MYBPH: variants seen among roughly 807,000 people sequenced by gnomAD.
The protein encoded by MYBPH is myosin-binding protein H.
MYBPH carries 49 observed loss-of-function variants against 53.6 expected under a neutral mutation model. The ratio of observed to expected loss-of-function variants is 0.91; its 90% CI spans 0.73 to 1.16. The LOEUF is 1.16. MYBPH is among the 50% of genes most tolerant of loss of function. The pLI, the probability that MYBPH is intolerant of heterozygous loss-of-function variation, is 0.00. For synonymous variants in MYBPH, 239 were observed against 249.6 expected (o/e 0.96, Z 0.40); for missense variants, 558 against 624.1 (o/e 0.89, Z 1.13).
At chr1:203,169,120 G>A (rs776290421) in intron 8 of MYBPH, 28 bp from the exon 9 acceptor site, 2 of 1,611,788 alleles carry the variant, frequency 1.2e-6, no homozygotes, top group South Asian at 2.2e-5. Context: ...AAGAGAGCTG[G>A]GGAGGTATGG....
rs754480618 is a variant in MYBPH, at chr1:203,175,615, C to T, written c.141G>A (p.Pro47=). The T allele has an allele frequency of 1.8e-5, 29 of 1,613,834 alleles. No individual in the cohort carries two copies. Among genetic ancestry groups the T allele is most frequent in the Middle Eastern group, 3.3e-4 (2 of 6,084 alleles). Residue 47 remains proline (P), a synonymous_variant, in exon 1 of 11, where the codon CCG becomes CCA. Coordinates refer to ENST00000255416, the MANE Select transcript of MYBPH (RefSeq NM_004997.3). ...ESTREEQVPK[P]QAPAPQAPTA... is the part of the protein sequence containing the mutation. ...TAGGGGCCTGTGGGGCAGGGGCCTG[C>T]GGCTTGGGCACCTGCTCTTCTCTGG...
In MYBPH at chr1:203,173,488, C is replaced by G. The variant is rs868812555; in HGVS notation, c.508+942G>C. Reference sequence around the variant, plus strand: ...AAAGGCTGGGTGACCTCAAGGGATGCCCTGGGCTCCTTGGGATCTCCTTGG... The same window carrying G: ...AAAGGCTGGGTGACCTCAAGGGATGGCCTGGGCTCCTTGGGATCTCCTTGG... On this transcript the variant is annotated intron_variant, in intron 3 of 10. Transcript: ENST00000255416. 5.3e-5 allele frequency among the ~76,000 whole-genome samples: 8 copies of G among 152,342 alleles called. No homozygotes were observed. The South Asian group carries it at 1.7e-3, about 32-fold the overall frequency.
At chr1:203,170,510 C>A in intron 6 of MYBPH, 60 bp from the exon 7 acceptor site, 2 of 1,574,410 alleles carry the variant, frequency 1.3e-6, no homozygotes, top group South Asian at 1.2e-5. Flanking sequence ...CCCTGCTTAC[C>A]CTGGAGACCT....
In MYBPH at chr1:203,169,030, G is replaced by C. The variant is rs1655643753; in HGVS notation, c.1293C>G (p.Leu431=). The C allele has an allele frequency of 6.2e-7, 1 of 1,613,936 alleles. No individual in the cohort carries two copies. The highest frequency in any genetic ancestry group is 8.5e-7 in the Non-Finnish European group (1 of 1,180,038). The change falls in exon 9 of 11, where the codon CTC becomes CTG. Residue 431 remains leucine, a synonymous_variant. Transcript: ENST00000255416. ...EIQGNPKYRA[L]SEQGVCTLEI... is the part of the protein sequence containing the mutation. ...CTAGGGTGCAGACGCCTTGCTCAGA[G>C]AGGGCGCGGTATTTGGGGTTGCCCT... is the stretch of plus-strand genomic sequence containing the variant.
chr1:203,168,744 C>A, intron 9 of MYBPH, 69 bp from the exon 10 acceptor site: 1 of 1,607,096 alleles, frequency 6.2e-7, no homozygotes, highest in South Asian at 1.1e-5. Context: ...GGTTATACAC[C>A]CTCTTCTACA....
Position 203,171,271 on chromosome 1 carries a change from T to G in MYBPH, c.794-71A>C, listed in dbSNP as rs570405502. On this transcript the variant is annotated intron_variant, in intron 5 of 10. Coordinates refer to ENST00000255416, the MANE Select transcript of MYBPH (RefSeq NM_004997.3). This position sits in a 1 kb window ranked among gnomAD's most constrained non-coding sequence, Gnocchi z 4.2. ...GGCCACAGAGCCCCCACACCCAAAA[T>G]TTGGCTCTTGCCACACTCCCTTGGC... is the stretch of plus-strand genomic sequence containing the variant. 14 of 1,548,950 alleles carry G rather than the reference T, an allele frequency of 9.0e-6. No homozygotes were observed. The highest frequency in any genetic ancestry group is 1.9e-4 in the Middle Eastern group (1 of 5,242).
rs775325404 is a variant in MYBPH, at chr1:203,169,033, G to T, written c.1290C>A (p.Ala430=). 1 of 1,613,956 alleles carries T rather than the reference G, an allele frequency of 6.2e-7. No individual in the cohort carries two copies. Among genetic ancestry groups the T allele is most frequent in the Non-Finnish European group, 8.5e-7 (1 of 1,180,040 alleles). ...GGGTGCAGACGCCTTGCTCAGAGAG[G>T]GCGCGGTATTTGGGGTTGCCCTGGA... ...MEIQGNPKYR[A]LSEQGVCTLE... Residue 430 remains alanine, a synonymous_variant, in exon 9 of 11, where the codon GCC becomes GCA. Transcript: ENST00000255416.
At chr1:203,178,315 G>A (rs1655855127), upstream of MYBPH, among the ~76,000 whole-genome samples, 1 of 152,224 alleles carries the variant, frequency 6.6e-6, no homozygotes, top group Non-Finnish European at 1.5e-5. Context: ...GTTAGGGGAG[G>A]GGTGAACAGA....
In MYBPH at chr1:203,171,883, C is replaced by T. The variant is rs994875281; in HGVS notation, c.597+69G>A. ...GGACCCTTGGAGACCCTGCCATCTC[C>T]CAGGCTCCCCTTAAATGGGGGCCCT... On this transcript the variant is annotated intron_variant, in intron 4 of 10. Transcript: ENST00000255416. The surrounding 1 kb of genome is among the most constrained non-coding windows in gnomAD (Gnocchi z 4.2). 9.5e-7 allele frequency: 1 copy of T among 1,053,598 alleles called. No homozygotes were observed. Among genetic ancestry groups the T allele is most frequent in the African/African-American group, 1.6e-5 (1 of 61,010 alleles). 65.3% of individuals were successfully genotyped at this position (1,053,598 alleles called of 1,614,324 possible).
At chr1:203,177,089 A>G (rs1409777127), upstream of MYBPH, among the ~76,000 whole-genome samples, 1 of 152,200 alleles carries the variant, frequency 6.6e-6, no homozygotes, top group Non-Finnish European at 1.5e-5. Flanking sequence ...GCACACAGAA[A>G]TGTTGCGTCT....
upstream of MYBPH, among the ~76,000 whole-genome samples, chr1:203,178,644 A>AC (rs1449276380): frequency 7.2e-5 from 11 of 152,344 alleles, no homozygotes; most frequent in African/African-American, 2.6e-4. Flanking sequence ...CCTTCAGGAA[A>AC]CAGAAAACGT....
In MYBPH at chr1:203,171,033, G is replaced by A. The variant is rs753909398; in HGVS notation, c.933+28C>T. 3.9e-6 allele frequency: 6 copies of A among 1,556,702 alleles called. No individual in the cohort carries two copies. Among genetic ancestry groups the A allele is most frequent in the South Asian group, 3.7e-5 (3 of 81,134 alleles). ...CACCACCTTGACCACTTCGTACCCC[G>A]ACCCCACTTTGCCTCAGCCAGCCTC... On this transcript the variant is annotated intron_variant, in intron 6 of 10. Transcript: ENST00000255416. This position sits in a 1 kb window ranked among gnomAD's most constrained non-coding sequence, Gnocchi z 4.2.
At chr1:203,178,164 G>C (rs1371673496), upstream of MYBPH, among the ~76,000 whole-genome samples, 1 of 152,202 alleles carries the variant, frequency 6.6e-6, no homozygotes, top group Non-Finnish European at 1.5e-5. Flanking sequence ...TTCAACAGAA[G>C]CCTGATGAGA....
chr1:203,177,356 A>T (rs147957519), upstream of MYBPH, among the ~76,000 whole-genome samples: 1 of 152,228 alleles, frequency 6.6e-6, no homozygotes, highest in Non-Finnish European at 1.5e-5. Context: ...AAACAAATAC[A>T]TTTATGCACT....
At chr1:203,179,133 G>T (rs1049452), upstream of MYBPH, 1 of 234,322 alleles carries the variant, frequency 4.3e-6, no homozygotes, top group Non-Finnish European at 8.3e-6. Flanking sequence ...AAGGAGGGCT[G>T]GGGGGCAGGG....
Position 203,170,396 on chromosome 1 carries a change from G to C in MYBPH, c.988C>G (p.Leu330Val). 1 of 1,614,156 alleles carries C rather than the reference G, an allele frequency of 6.2e-7. No individual in the cohort carries two copies. The highest frequency in any genetic ancestry group is 8.5e-7 in the Non-Finnish European group (1 of 1,180,014). The change falls in exon 7 of 11, where the codon CTC becomes GTC. Residue 330 changes from leucine (L) to valine (V), a missense_variant. By Grantham distance (32) the Leu-to-Val change is conservative. Coordinates refer to ENST00000255416, the MANE Select transcript of MYBPH (RefSeq NM_004997.3). ...YHPTTCTISD[L>V]IIGNSYSFRV... is the part of the protein sequence containing the mutation. ...AAGGAGTACGAGTTGCCGATGATGA[G>C]GTCAGAGATGGTGCAGGTGGTTGGG...
chr1:203,170,571 C>T (rs1305189772), intron 6 of MYBPH, 121 bp from the exon 7 acceptor site: 1 of 1,311,704 alleles, frequency 7.6e-7, no homozygotes, highest in East Asian at 2.5e-5. Flanking sequence ...GCTGAACCAT[C>T]CAGCTTTGGG....
Position 203,175,730 on chromosome 1 carries a change from C to T in MYBPH, c.26G>A (p.Gly9Asp), listed in dbSNP as rs757995097. MMEKNTSE[G>D]PACSPEETAS... Reference sequence around the variant, plus strand: ...GGTCTCCTCTGGACTGCAGGCAGGGCCCTCGGAGGTGTTTTTTTCCATCAT... The same window carrying T: ...GGTCTCCTCTGGACTGCAGGCAGGGTCCTCGGAGGTGTTTTTTTCCATCAT... The change falls in exon 1 of 11, where the codon GGC (glycine) becomes GAC (aspartate). Residue 9 changes from glycine (G) to aspartate (D), a missense_variant. By Grantham distance (94) the Gly-to-Asp change is moderately conservative. Coordinates refer to ENST00000255416, the MANE Select transcript of MYBPH (RefSeq NM_004997.3). 1 of 1,614,000 alleles carries T rather than the reference C, an allele frequency of 6.2e-7. No homozygotes were observed. The highest frequency in any genetic ancestry group is 1.3e-5 in the African/African-American group (1 of 75,016).
chr1:203,171,636 C>T lies in MYBPH; in HGVS notation c.598-58G>A. Reference sequence around the variant, plus strand: ...GGAGGTGCCAGAGTCCCCACACCTCCTTAACTCCAGGAGTCTCTGGAGCTG... The same window carrying T: ...GGAGGTGCCAGAGTCCCCACACCTCTTTAACTCCAGGAGTCTCTGGAGCTG... On this transcript the variant is annotated intron_variant, in intron 4 of 10. Coordinates refer to ENST00000255416, the MANE Select transcript of MYBPH (RefSeq NM_004997.3). This position sits in a 1 kb window ranked among gnomAD's most constrained non-coding sequence, Gnocchi z 4.2. 1 of 1,497,696 alleles carries T rather than the reference C, an allele frequency of 6.7e-7. No homozygotes were observed. The highest frequency in any genetic ancestry group is 9.0e-7 in the Non-Finnish European group (1 of 1,113,420). The allele number at this position is 1,497,696 out of a possible 1,614,324, so 92.8% of individuals were successfully genotyped here.
Sources: gnomAD v4.1 joint callset for allele counts (sites outside exome capture counted in the v4.1 genomes callset) on GRCh38, gnomAD v4.1.1 for gene constraint, Gnocchi (gnomAD v3.1) non-coding constraint, MANE v1.5 for transcripts, NCBI Gene and HGNC (gene_info 2026-07-23, HGNC 2026-07-21) for gene names.